SYNE1: variants seen among roughly 807,000 people sequenced by gnomAD.
The protein encoded by SYNE1 is spectrin repeat containing nuclear envelope protein 1, also known as nesprin-1.
A neutral mutation model predicts 1,111.0 loss-of-function variants in SYNE1; 616 were observed. The ratio of observed to expected loss-of-function variants is 0.55; its 90% CI spans 0.52 to 0.59. The LOEUF is 0.59. Ranked by LOEUF, SYNE1 falls within the 20% of genes least tolerant of loss-of-function variation. SYNE1 has a pLI of 0.00. For missense variants in SYNE1, 10,006 were observed against 10,417.0 expected, an observed-to-expected ratio of 0.96 and a Z score of 1.72; for synonymous variants, 3,855 against 3,825.8, an observed-to-expected ratio of 1.01 and a Z score of -0.28.
At chr6:152,147,087 G>A (rs2059637304) in intron 137 of SYNE1, 1 of 152,232 alleles carries the variant, frequency 6.6e-6, no homozygotes, top group African/African-American at 2.4e-5. Flanking sequence ...CCCTCTTGTG[G>A]TCCTCAGGGC....
intron 24 of SYNE1, 118 bp from the exon 25 acceptor site, chr6:152,453,838 C>G (rs2098672172): frequency 8.1e-7 from 1 of 1,227,670 alleles, no homozygotes; most frequent in Non-Finnish European, 1.2e-6. Context: ...CTCTTGCAGA[C>G]TTCCAGGCAC....
chr6:152,149,801 C>A, intron 135 of SYNE1, 133 bp from the exon 136 acceptor site: 1 of 776,990 alleles, frequency 1.3e-6, no homozygotes, highest in South Asian at 1.6e-5. Context: ...TATACAATCA[C>A]AAGACAAGAG....
At chr6:152,303,866 A>G (rs9479287) in intron 91 of SYNE1, among the ~76,000 whole-genome samples, 9,915 of 152,032 alleles carry the variant, frequency 0.065, 321 homozygotes, top group East Asian at 0.12. Context: ...ACTTATGGAT[A>G]TGGAGGGCTG....
intron 3 of SYNE1, among the ~76,000 whole-genome samples, chr6:152,549,409 C>G (rs776485272): frequency 2.0e-5 from 3 of 152,212 alleles, no homozygotes; most frequent in Non-Finnish European, 4.4e-5. Flanking sequence ...GTTTGTTACA[C>G]AGCAAAGGCT....
In SYNE1 at chr6:152,284,189, G is replaced by A. The variant is rs2094191195; in HGVS notation, c.18013-17C>T. The A allele has an allele frequency of 6.2e-7, 1 of 1,613,494 alleles. No homozygotes were observed. The highest frequency in any genetic ancestry group is 8.5e-7 in the Non-Finnish European group (1 of 1,179,690). On this transcript the variant is annotated splice_polypyrimidine_tract_variant and intron_variant, in intron 95 of 145. Coordinates refer to ENST00000367255, the MANE Select transcript of SYNE1 (RefSeq NM_182961.4). Reference sequence around the variant, plus strand: ...CATCAATGCCTGGAGGAAAGACTGTGGAATCACACTCATGTATTCATTTCT... The same window carrying A: ...CATCAATGCCTGGAGGAAAGACTGTAGAATCACACTCATGTATTCATTTCT...
chr6:152,205,928 C>G (rs1025106860), intron 126 of SYNE1, among the ~76,000 whole-genome samples: 1 of 152,172 alleles, frequency 6.6e-6, no homozygotes, highest in Non-Finnish European at 1.5e-5. Flanking sequence ...ATAGCTTAGA[C>G]AGTCTTATTA....
At chr6:152,424,953 T>C (rs762429943) in intron 39 of SYNE1, among the ~76,000 whole-genome samples, 5 of 152,206 alleles carry the variant, frequency 3.3e-5, no homozygotes, top group Admixed American at 1.3e-4. Context: ...TTGCCTCCAT[T>C]TATCAATAAT....
chr6:152,351,068 T>C (rs1286952075), intron 70 of SYNE1, among the ~76,000 whole-genome samples: 1 of 152,200 alleles, frequency 6.6e-6, no homozygotes, highest in East Asian at 1.9e-4. Flanking sequence ...CCTTATTCCT[T>C]TCATCAGAGA....
chr6:152,545,854 A>C (rs1190794806), intron 3 of SYNE1: 1 of 152,214 alleles, frequency 6.6e-6, no homozygotes, highest in African/African-American at 2.4e-5. Context: ...GTAAATGTTC[A>C]TTTAAAACAA....
chr6:152,305,154 T>C (rs1040532398), intron 91 of SYNE1, among the ~76,000 whole-genome samples: 2 of 152,228 alleles, frequency 1.3e-5, no homozygotes, highest in Non-Finnish European at 2.9e-5. Flanking sequence ...CTGGTATTCA[T>C]GAGCAGGCTT....
At position 152,369,070 on chromosome 6, in the gene SYNE1, C is replaced by A. The variant is rs2097134130; in HGVS notation, c.9709G>T (p.Ala3237Ser). 1.2e-6 allele frequency: 2 copies of A among 1,614,054 alleles called. No individual in the cohort carries two copies. Residue 3237 changes from alanine (A) to serine (S), a missense_variant, in exon 61 of 146, where the codon GCT becomes TCT. By Grantham distance (99) the Ala-to-Ser change is moderately conservative. Around this residue, in one of 7 missense-constraint regions of SYNE1, gnomAD observed 4,955 missense variants for 5,017.2 expected, o/e 0.99. Coordinates refer to ENST00000367255, the MANE Select transcript of SYNE1 (RefSeq NM_182961.4). ...EPQLNRLKEK[A>S]QQLWEGQAAS... ...GCTTGTCCTTCCCACAGCTGCTGAG[C>A]TTTCTCTTTCAGCCTGTTGAGCTGA...
At chr6:152,495,791 GC>G (rs1033504416) in intron 11 of SYNE1, among the ~76,000 whole-genome samples, 2 of 152,220 alleles carry the variant, frequency 1.3e-5, no homozygotes, top group Admixed American at 1.3e-4. Context: ...AGCAGCAGGG[GC>G]CACGTGCATC....
At chr6:152,141,181 G>T in intron 139 of SYNE1, 22 bp downstream of exon 139, 1 of 1,614,012 alleles carries the variant, frequency 6.2e-7, no homozygotes, top group South Asian at 1.1e-5. Flanking sequence ...ATTCACTCTT[G>T]AACTGGATGC....
At chr6:152,401,042 CTG>C in intron 47 of SYNE1, 94 bp downstream of exon 47, 1 of 1,264,048 alleles carries the variant, frequency 7.9e-7, no homozygotes, top group Non-Finnish European at 1.1e-6. Context: ...ATATGGGTAA[CTG>C]AGAGCAGAGG....
rs1415978187 is a variant in SYNE1, at chr6:152,221,418, C to T, written c.21656+8G>A. The T allele has an allele frequency of 6.2e-7, 1 of 1,613,734 alleles. No homozygotes were observed. Among genetic ancestry groups the T allele is most frequent in the Admixed American group, 1.7e-5 (1 of 60,006 alleles). ...ATAAATAGTGTGTAAAGTTAACATACTCCATACCTCATGTTGACTTCTTTC... is the reference window on the plus strand; with the variant it reads ...ATAAATAGTGTGTAAAGTTAACATATTCCATACCTCATGTTGACTTCTTTC... On this transcript the variant is annotated splice_region_variant and intron_variant, in intron 118 of 145. Transcript: ENST00000367255.
In SYNE1 at chr6:152,353,763, G is replaced by T. The variant is rs765562019; in HGVS notation, c.10927-19C>A. 8.1e-6 allele frequency: 13 copies of T among 1,613,088 alleles called. No individual in the cohort carries two copies. The African/African-American group carries it at 1.3e-4, about 17-fold the overall frequency. On this transcript the variant is annotated intron_variant, in intron 67 of 145. Coordinates refer to ENST00000367255, the MANE Select transcript of SYNE1 (RefSeq NM_182961.4). ...GCCACTTCTGAAATGACAAAGTATC[G>T]AAGGGAAAGATTCAATCTTAGCCAT...
intron 3 of SYNE1, among the ~76,000 whole-genome samples, chr6:152,580,256 C>T (rs2099514960): frequency 6.6e-6 from 1 of 152,122 alleles, no homozygotes; most frequent in African/African-American, 2.4e-5. Context: ...TTGCATTTTT[C>T]TGATGATGAG....
At chr6:152,561,087 C>G (rs868456665) in intron 3 of SYNE1, among the ~76,000 whole-genome samples, 1 of 151,986 alleles carries the variant, frequency 6.6e-6, no homozygotes, top group Non-Finnish European at 1.5e-5. Context: ...ATTAAGCAAG[C>G]AAAAGCAATA....
At chr6:152,608,292 T>C (rs958373587) in intron 3 of SYNE1, among the ~76,000 whole-genome samples, 1 of 152,200 alleles carries the variant, frequency 6.6e-6, no homozygotes, top group African/African-American at 2.4e-5. Context: ...ATTCAGTAAA[T>C]ATTTAGTGAC....
Sources: gnomAD v4.1 joint callset for allele counts (sites outside exome capture counted in the v4.1 genomes callset) on GRCh38, gnomAD v4.1.1 for gene constraint, gnomAD v4.1.1 regional missense constraint, MANE v1.5 for transcripts, NCBI Gene and HGNC (gene_info 2026-07-23, HGNC 2026-07-21) for gene names.